DEPTOR: variants seen among roughly 807,000 people sequenced by gnomAD.
DEPTOR encodes DEP domain containing MTOR interacting protein, also known as DEP domain-containing mTOR-interacting protein.
Under a neutral mutation model 41.6 loss-of-function variants are expected in DEPTOR, and 41 were observed. That is an observed-to-expected ratio of 0.98 (90% CI 0.77 to 1.28). The LOEUF (loss-of-function observed/expected upper bound fraction) is 1.28. DEPTOR is among the 50% of genes most tolerant of loss of function. The pLI, the probability that DEPTOR is intolerant of heterozygous loss-of-function variation, is 0.00. For synonymous variants in DEPTOR, 195 were observed against 192.3 expected, an observed-to-expected ratio of 1.01 and a Z score of -0.12; for missense variants, 514 against 527.9, an observed-to-expected ratio of 0.97 and a Z score of 0.26.
intron 8 of DEPTOR, among the ~76,000 whole-genome samples, chr8:120,017,244 G>A (rs1054767031): frequency 6.6e-6 from 1 of 152,134 alleles, no homozygotes; most frequent in Admixed American, 6.6e-5. Flanking sequence ...GCTGAAGCTG[G>A]GTGGGTAGTG....
rs948590041 is a variant in DEPTOR at position 119,928,550 on chromosome 8, A to T, written c.273A>T (p.Lys91Asn). 1 of 1,614,202 alleles carries T rather than the reference A, an allele frequency of 6.2e-7. No homozygotes were observed. ...DRETAIKLMQ[K>N]LADRGIIHHV... ...AGACGGCAATTAAACTCATGCAGAA[A>T]TTAGCAGACCGGGGCATTATTCACC... The change falls in exon 2 of 9, where the codon AAA becomes AAT. Residue 91 changes from lysine (K) to asparagine (N), a missense_variant. Transcript: ENST00000286234.
rs1813225408 is a variant in DEPTOR, at chr8:120,050,829, C to T, written c.*1125C>T. On this transcript the variant is annotated 3_prime_UTR_variant, in exon 9 of 9. Coordinates refer to ENST00000286234, the MANE Select transcript of DEPTOR (RefSeq NM_022783.4). ...TGCCAAATTAGGCAGTCAGGAAATA[C>T]TAAATTCTTCATTCCAAATAATGGA... 6.6e-6 allele frequency: 1 copy of T among 152,004 alleles called. No homozygotes were observed. Among genetic ancestry groups the T allele is most frequent in the African/African-American group, 2.4e-5 (1 of 41,414 alleles). The allele number at this position is 152,004 out of a possible 1,614,324, so 9.4% of individuals were successfully genotyped here. A position where few individuals can be genotyped will look rare whatever the true frequency, so the allele number is the denominator to read the frequency against.
intron 3 of DEPTOR, among the ~76,000 whole-genome samples, chr8:119,953,619 A>G (rs1415549707): frequency 3.3e-5 from 5 of 151,260 alleles, no homozygotes; most frequent in Non-Finnish European, 5.9e-5. Context: ...AGAAAGAAAT[A>G]TGATTGGACA....
At chr8:120,047,923 G>A (rs1813176967) in intron 8 of DEPTOR, among the ~76,000 whole-genome samples, 1 of 151,790 alleles carries the variant, frequency 6.6e-6, no homozygotes, top group African/African-American at 2.4e-5. Flanking sequence ...GCACACACCT[G>A]TAATCCCAGC....
chr8:120,018,745 T>A (rs374583905), intron 8 of DEPTOR, among the ~76,000 whole-genome samples: 1 of 152,164 alleles, frequency 6.6e-6, no homozygotes, highest in East Asian at 1.9e-4. Context: ...TGGGCATGAC[T>A]GGGAGGAGCA....
At chr8:119,974,344 A>G (rs528797368) in intron 4 of DEPTOR, among the ~76,000 whole-genome samples, 2 of 151,230 alleles carry the variant, frequency 1.3e-5, no homozygotes, top group Admixed American at 1.3e-4. Flanking sequence ...ACTTTTCATG[A>G]GTTCTTAATT....
At chr8:119,950,730 G>T (rs576450738) in intron 3 of DEPTOR, among the ~76,000 whole-genome samples, 1 of 152,254 alleles carries the variant, frequency 6.6e-6, no homozygotes, top group South Asian at 2.1e-4. Context: ...GAGTAGCTGG[G>T]ATTACAGGCG....
At chr8:119,944,738 T>C (rs1828249667) in intron 3 of DEPTOR, among the ~76,000 whole-genome samples, 1 of 149,320 alleles carries the variant, frequency 6.7e-6, no homozygotes, top group Non-Finnish European at 1.5e-5. Flanking sequence ...TACTGCAACC[T>C]CCGCCTCCTG....
intron 4 of DEPTOR, among the ~76,000 whole-genome samples, chr8:119,997,079 A>G (rs369600724): frequency 2.0e-5 from 3 of 152,158 alleles, no homozygotes; most frequent in Non-Finnish European, 4.4e-5. Flanking sequence ...CCTGAATCCA[A>G]GAATGGTTGG....
intron 4 of DEPTOR, among the ~76,000 whole-genome samples, chr8:119,970,755 C>G (rs1028346984): frequency 4.6e-5 from 7 of 152,166 alleles, no homozygotes; most frequent in African/African-American, 1.7e-4. Context: ...ACAGCAGGGT[C>G]AGCAAGAGAA....
chr8:119,972,915 C>T (rs1323229914), intron 4 of DEPTOR, among the ~76,000 whole-genome samples: 1 of 152,020 alleles, frequency 6.6e-6, no homozygotes, highest in Non-Finnish European at 1.5e-5. Context: ...TTTTGGGTAA[C>T]ATTTGCAAAT....
intron 4 of DEPTOR, among the ~76,000 whole-genome samples, chr8:119,976,160 C>A (rs956162508): frequency 6.6e-6 from 1 of 151,944 alleles, no homozygotes; most frequent in Non-Finnish European, 1.5e-5. Context: ...CCACTCCCAG[C>A]CCCCTACTCA....
chr8:119,989,344 G>A (rs781224580), intron 4 of DEPTOR, among the ~76,000 whole-genome samples: 43 of 152,142 alleles, frequency 2.8e-4, no homozygotes, highest in Admixed American at 1.2e-3. Context: ...CCAAATTACC[G>A]TCTGTAACCT....
chr8:120,045,560 A>G (rs1361023378), intron 8 of DEPTOR, among the ~76,000 whole-genome samples: 1 of 152,044 alleles, frequency 6.6e-6, no homozygotes, highest in Non-Finnish European at 1.5e-5. Flanking sequence ...ATTTTTGTAG[A>G]AACAGAGTTT....
chr8:119,996,691 T>C (rs1206349534), intron 4 of DEPTOR, among the ~76,000 whole-genome samples: 5 of 152,224 alleles, frequency 3.3e-5, no homozygotes, highest in African/African-American at 7.2e-5. Flanking sequence ...CAAAGTACTT[T>C]GAAGTCTGCT....
chr8:119,981,993 G>T (rs1447908113), intron 4 of DEPTOR, among the ~76,000 whole-genome samples: 1 of 117,266 alleles, frequency 8.5e-6, no homozygotes, highest in South Asian at 2.8e-4. Flanking sequence ...TAGCCCAGTC[G>T]ACAGTGTGAG....
intron 4 of DEPTOR, among the ~76,000 whole-genome samples, chr8:119,981,887 C>T (rs929892207): frequency 5.4e-4 from 82 of 151,386 alleles, no homozygotes; most frequent in African/African-American, 1.9e-3. Context: ...TGGTGGCGGG[C>T]GCCTGTAATC....
At chr8:119,930,461 T>G (rs1240871175) in intron 3 of DEPTOR, among the ~76,000 whole-genome samples, 1 of 152,162 alleles carries the variant, frequency 6.6e-6, no homozygotes, top group African/African-American at 2.4e-5. Context: ...TTTCTCAAAC[T>G]CCTGACCTCA....
intron 4 of DEPTOR, among the ~76,000 whole-genome samples, chr8:119,992,229 A>C (rs1435976891): frequency 1.3e-5 from 2 of 152,214 alleles, no homozygotes; most frequent in African/African-American, 4.8e-5. Flanking sequence ...CCTTCACAGA[A>C]GCCCCAGCCA....
Sources: allele counts gnomAD v4.1 joint callset (sites outside exome capture counted in the v4.1 genomes callset), GRCh38; gene constraint gnomAD v4.1.1; transcripts MANE v1.5; gene names NCBI Gene and HGNC (gene_info 2026-07-23, HGNC 2026-07-21).